Variants in ARHGAP31 observed in about 807,000 individuals in gnomAD.
ARHGAP31 encodes rho GTPase-activating protein 31.
In ARHGAP31, 34 loss-of-function variants were observed where a neutral mutation model predicts 113.9. That is an observed-to-expected ratio of 0.30 (90% CI 0.23 to 0.40). The LOEUF is 0.40. Among genes scored for constraint, ARHGAP31 ranks in the 10% least tolerant of loss-of-function variants. The probability of loss-of-function intolerance (pLI) is 1.00; values close to 1 mark genes in which losing one functional copy is unlikely to be tolerated. For synonymous variants in ARHGAP31, 650 were observed against 684.8 expected (o/e 0.95, Z 0.79); for missense variants, 1,548 against 1,767.1 (o/e 0.88, Z 2.22).
At chr3:119,411,830 T>C (rs894112820) in intron 11 of ARHGAP31, among the ~76,000 whole-genome samples, 3 of 152,268 alleles carry the variant, frequency 2.0e-5, no homozygotes, top group Non-Finnish European at 2.9e-5. Context: ...TGAGCCCCCA[T>C]TCACAGTATA....
chr3:119,329,854 G>A, intron 1 of ARHGAP31: 1 of 985,490 alleles, frequency 1.0e-6, no homozygotes, highest in Non-Finnish European at 1.2e-6. Flanking sequence ...CCACCAAAGT[G>A]TTATCCAAGC....
chr3:119,374,645 G>A (rs571889531), intron 3 of ARHGAP31, among the ~76,000 whole-genome samples: 27 of 152,262 alleles, frequency 1.8e-4, no homozygotes, highest in African/African-American at 6.3e-4. Flanking sequence ...TGGTTCAAAA[G>A]TGTGTGGCGG....
chr3:119,300,648 G>A (rs1427123979), intron 1 of ARHGAP31, among the ~76,000 whole-genome samples: 3 of 151,928 alleles, frequency 2.0e-5, no homozygotes, highest in African/African-American at 7.3e-5. Flanking sequence ...GACCAACATG[G>A]TGAAACCCCG....
intron 6 of ARHGAP31, among the ~76,000 whole-genome samples, chr3:119,383,786 C>T (rs1577022425): frequency 6.6e-6 from 1 of 152,306 alleles, no homozygotes; most frequent in East Asian, 1.9e-4. Flanking sequence ...TGTTTGTGGG[C>T]ATCTTGTAAT....
At chr3:119,360,636 A>C (rs79276122) in intron 1 of ARHGAP31, among the ~76,000 whole-genome samples, 4,839 of 152,342 alleles carry the variant, frequency 0.032, 119 homozygotes, top group East Asian at 0.11. Flanking sequence ...TTATAAGTGT[A>C]AAATATCTGT....
At chr3:119,331,014 G>A (rs2079886769) in intron 1 of ARHGAP31, among the ~76,000 whole-genome samples, 2 of 152,166 alleles carry the variant, frequency 1.3e-5, no homozygotes, top group South Asian at 4.1e-4. Context: ...TCTTCAGGAG[G>A]TGGCATGGCT....
In ARHGAP31 at chr3:119,415,505, C is replaced by A; in HGVS notation, c.3576C>A (p.Val1192=). Residue 1192 remains valine (V), a synonymous_variant, in exon 12 of 12, where the codon GTC becomes GTA. Coordinates refer to ENST00000264245, the MANE Select transcript of ARHGAP31 (RefSeq NM_020754.4). ...SVSAVRTSFM[V]KMCQARAVPV... ...CAGCTGTGAGAACCTCCTTCATGGT[C>A]AAAATGTGCCAGGCCAGGGCGGTCC... 6.2e-7 allele frequency: 1 copy of A among 1,614,132 alleles called. No individual in the cohort carries two copies. Among genetic ancestry groups the A allele is most frequent in the South Asian group, 1.1e-5 (1 of 91,076 alleles).
At chr3:119,399,345 C>A in intron 9 of ARHGAP31, 84 bp downstream of exon 9, 2 of 1,168,358 alleles carry the variant, frequency 1.7e-6, no homozygotes, top group Non-Finnish European at 2.6e-6. Flanking sequence ...GTCATGCCTG[C>A]TTCTCTATAG....
At chr3:119,343,194 C>A (rs1337833850) in intron 1 of ARHGAP31, among the ~76,000 whole-genome samples, 1 of 152,088 alleles carries the variant, frequency 6.6e-6, no homozygotes, top group East Asian at 1.9e-4. Context: ...ATTTATTGAG[C>A]TCCTAGTAGG....
At position 119,417,769 on chromosome 3, in the gene ARHGAP31, G is replaced by A. The variant is rs370941287; in HGVS notation, c.*1505G>A. Reference sequence around the variant, plus strand: ...TTCCTTTCCAGCTGGCGAGAGAAAGGAGAACTAATATACCTGCTGGCAGAT... The same window carrying A: ...TTCCTTTCCAGCTGGCGAGAGAAAGAAGAACTAATATACCTGCTGGCAGAT... On this transcript the variant is annotated 3_prime_UTR_variant, in exon 12 of 12. Coordinates refer to ENST00000264245, the MANE Select transcript of ARHGAP31 (RefSeq NM_020754.4). 3 of 152,032 alleles carry A rather than the reference G, an allele frequency of 2.0e-5. No individual in the cohort carries two copies. Among genetic ancestry groups the A allele is most frequent in the East Asian group, 3.9e-4 (2 of 5,174 alleles). 9.4% of individuals were successfully genotyped at this position (152,032 alleles called of 1,614,324 possible).
In ARHGAP31 at chr3:119,343,942, C is replaced by T. The variant is rs374350780; in HGVS notation, c.101-21374C>T. 1.8e-4 allele frequency among the ~76,000 whole-genome samples: 27 copies of T among 152,290 alleles called. No individual in the cohort carries two copies. The South Asian group carries it at 3.7e-3, about 21-fold the overall frequency. ...AAGCTAAATCACAAGAGGTGTCCCA[C>T]GAGTAGGCCTAAGGTTGGCCCTGGA... On this transcript the variant is annotated intron_variant, in intron 1 of 11. Transcript: ENST00000264245.
Position 119,368,483 on chromosome 3 carries a change from C to A in ARHGAP31, c.315C>A (p.Pro105=). The change falls in exon 3 of 12, where the codon CCC becomes CCA. Residue 105 remains proline (P), a synonymous_variant. Transcript: ENST00000264245. ...TCTACTTTAGGGAGCTGCCCAACCC[C>A]CTCCTGACTTATGAGCTCTATGAGA... The part of the protein sequence containing the change: ...CKLYFRELPN[P]LLTYELYEKF... 1.2e-6 allele frequency: 2 copies of A among 1,614,152 alleles called. No individual in the cohort carries two copies. The highest frequency in any genetic ancestry group is 1.7e-6 in the Non-Finnish European group (2 of 1,180,030).
At chr3:119,379,050 A>G (rs931227990) in intron 3 of ARHGAP31, among the ~76,000 whole-genome samples, 2 of 152,240 alleles carry the variant, frequency 1.3e-5, no homozygotes, top group Admixed American at 1.3e-4. Flanking sequence ...GCCTTAAAAA[A>G]TGGTGGTCTT....
intron 1 of ARHGAP31, among the ~76,000 whole-genome samples, chr3:119,322,275 A>C (rs1257636461): frequency 1.3e-5 from 2 of 152,218 alleles, no homozygotes; most frequent in East Asian, 3.8e-4. Context: ...CTGGGACCAG[A>C]GGCTGGAATT....
At chr3:119,306,104 T>G (rs2079628861) in intron 1 of ARHGAP31, among the ~76,000 whole-genome samples, 1 of 152,206 alleles carries the variant, frequency 6.6e-6, no homozygotes, top group Non-Finnish European at 1.5e-5. Flanking sequence ...GGGCAGCATT[T>G]CTCAAACTTT....
intron 1 of ARHGAP31, among the ~76,000 whole-genome samples, chr3:119,323,913 G>A (rs954090819): frequency 2.6e-5 from 4 of 152,136 alleles, no homozygotes; most frequent in Non-Finnish European, 5.9e-5. Context: ...CACATTTCCT[G>A]TCCTCCCCCT....
intron 1 of ARHGAP31, among the ~76,000 whole-genome samples, chr3:119,348,651 A>G (rs1267796782): frequency 2.0e-5 from 3 of 152,210 alleles, no homozygotes; most frequent in African/African-American, 4.8e-5. Flanking sequence ...AATCATCTCT[A>G]GATTACTTAT....
intron 1 of ARHGAP31, among the ~76,000 whole-genome samples, chr3:119,360,016 A>G (rs2080191926): frequency 1.3e-5 from 2 of 152,096 alleles, no homozygotes; most frequent in South Asian, 4.1e-4. Context: ...TACCTCAAAC[A>G]AGATGATGAA....
intron 1 of ARHGAP31, among the ~76,000 whole-genome samples, chr3:119,353,645 A>C (rs1451231015): frequency 6.6e-6 from 1 of 152,050 alleles, no homozygotes; most frequent in East Asian, 1.9e-4. Context: ...TCTACTAAAA[A>C]TACATGGTGG....
Sources: gnomAD v4.1 joint callset for allele counts (sites outside exome capture counted in the v4.1 genomes callset) on GRCh38, gnomAD v4.1.1 for gene constraint, MANE v1.5 for transcripts, NCBI Gene and HGNC (gene_info 2026-07-23, HGNC 2026-07-21) for gene names.